The following ZNF701 variants were observed in gnomAD, a reference collection of about 807,000 sequenced individuals.
The protein encoded by ZNF701 is zinc finger protein 701.
Under a neutral mutation model 7.1 loss-of-function variants are expected in ZNF701, and 6 were observed. The ratio of observed to expected loss-of-function variants is 0.84; its 90% confidence interval spans 0.46 to 1.66. The LOEUF (loss-of-function observed/expected upper bound fraction) is 1.66, where lower values mean the gene tolerates loss of function less well. Ranked by LOEUF, ZNF701 falls within the 40% of genes most tolerant of loss-of-function variation. The pLI is 0.01. For missense variants in ZNF701, 541 were observed against 559.2 expected, an observed-to-expected ratio of 0.97 and a Z score of 0.33; for synonymous variants, 166 against 188.2, an observed-to-expected ratio of 0.88 and a Z score of 0.97.
chr19:52,593,989 C>T, the ZNF701 span: 26 of 127,844 alleles, frequency 2.0e-4, 5 homozygotes, highest in South Asian at 1.3e-3. Context: ...GAGGTTGTAG[C>T]GAGCCGAGAT....
rs906443836 is a variant in ZNF701, at chr19:52,584,129, G to A, written c.*672G>A. ...CATACTGGACAGAAATCTTACAAAC[G>A]TCCTATGTGTGGCAAGGTCTTCAGT... On this transcript the variant is annotated 3_prime_UTR_variant, in exon 4 of 4. Coordinates refer to ENST00000391785, the MANE Select transcript of ZNF701 (RefSeq NM_018260.3). 17 of 344,152 alleles carry A rather than the reference G, an allele frequency of 4.9e-5. No individual in the cohort carries two copies. The highest frequency in any genetic ancestry group is 3.0e-4 in the African/African-American group (14 of 46,546). The allele number at this position is 344,152 out of a possible 1,614,324, so 21.3% of individuals were successfully genotyped here. A position where few individuals can be genotyped will look rare whatever the true frequency, so the allele number is the denominator to read the frequency against.
intron 3 of ZNF701, among the ~76,000 whole-genome samples, chr19:52,581,800 T>G (rs1291690696): frequency 6.6e-6 from 1 of 152,216 alleles, no homozygotes; most frequent in Non-Finnish European, 1.5e-5. Flanking sequence ...AAATAGTACC[T>G]TGTCTGGTTT....
At chr19:52,594,914 G>C in the ZNF701 span, among the ~76,000 whole-genome samples, 1 of 152,312 alleles carries the variant, frequency 6.6e-6, no homozygotes. Context: ...AGCAGTCACT[G>C]CTGTAGAAAT....
At chr19:52,573,622 C>A (rs1015912527) in intron 1 of ZNF701, among the ~76,000 whole-genome samples, 1 of 152,188 alleles carries the variant, frequency 6.6e-6, no homozygotes, top group African/African-American at 2.4e-5. Context: ...GATCCTCCCC[C>A]TCAGCTTCCT....
At chr19:52,578,050 C>T (rs1380582055) in intron 3 of ZNF701, among the ~76,000 whole-genome samples, 5 of 151,718 alleles carry the variant, frequency 3.3e-5, no homozygotes, top group African/African-American at 4.8e-5. Context: ...GTCAGGAGAT[C>T]GAGACCATCC....
At chr19:52,589,276 T>G (rs552772949), downstream of ZNF701, among the ~76,000 whole-genome samples, 1 of 152,294 alleles carries the variant, frequency 6.6e-6, no homozygotes, top group South Asian at 2.1e-4. Context: ...TTTATTTATA[T>G]TTTCTATTCC....
chr19:52,573,370 G>A (rs2059912617), intron 1 of ZNF701, among the ~76,000 whole-genome samples: 1 of 152,150 alleles, frequency 6.6e-6, no homozygotes. Context: ...CTCCCGAGTA[G>A]CTGGGCTTAC....
At position 52,583,193 on chromosome 19, in the gene ZNF701, A is replaced by G; in HGVS notation, c.1134A>G (p.Gly378=). The G allele has an allele frequency of 6.2e-7, 1 of 1,613,038 alleles. No individual in the cohort carries two copies. Among genetic ancestry groups the G allele is most frequent in the Non-Finnish European group, 8.5e-7 (1 of 1,179,612 alleles). ...HLAQHTVIHT[G]EKPYKCNECG... ...CACAACATACTGTAATTCACACTGG[A>G]GAGAAACCTTACAAGTGTAATGAGT... The change falls in exon 4 of 4, where the codon GGA becomes GGG. Residue 378 remains glycine (G), a synonymous_variant. Transcript: ENST00000391785.
In ZNF701 at chr19:52,582,407, C is replaced by T. The variant is rs140636201; in HGVS notation, c.348C>T (p.Thr116=). ...GCCATGAAGCACTCATGACAAAAACCAAAAAGTTGATGAGTAGTACAGAGC... is the reference window on the plus strand; with the variant it reads ...GCCATGAAGCACTCATGACAAAAACTAAAAAGTTGATGAGTAGTACAGAGC... ...TNGHEALMTK[T]KKLMSSTERH... The change falls in exon 4 of 4, where the codon ACC becomes ACT. Residue 116 remains threonine, a synonymous_variant. Coordinates refer to ENST00000391785, the MANE Select transcript of ZNF701 (RefSeq NM_018260.3). The T allele has an allele frequency of 1.9e-3, 3,054 of 1,612,238 alleles. 16 individuals are homozygous for T. The highest frequency in any genetic ancestry group is 1.6e-3 in the Non-Finnish European group (1,939 of 1,179,164).
intron 1 of ZNF701, 94 bp from the exon 2 acceptor site, chr19:52,573,983 T>C (rs2059916552): frequency 2.3e-6 from 3 of 1,332,166 alleles, no homozygotes; most frequent in Non-Finnish European, 3.1e-6. Flanking sequence ...TGACCATATT[T>C]TTTCAGAGTG....
At chr19:52,595,463 G>A in the ZNF701 span, among the ~76,000 whole-genome samples, 1 of 151,900 alleles carries the variant, frequency 6.6e-6, no homozygotes, top group African/African-American at 2.4e-5. Context: ...GTACAGATAG[G>A]GTTTCACCAT....
the ZNF701 span, chr19:52,596,766 C>T: frequency 1.9e-6 from 1 of 527,816 alleles, no homozygotes; most frequent in Admixed American, 2.0e-5. Flanking sequence ...GCAATTCATA[C>T]TGGAAAGAAA....
Position 52,584,988 on chromosome 19 carries a change from C to T in ZNF701, c.*1531C>T, listed in dbSNP as rs1165032096. On this transcript the variant is annotated 3_prime_UTR_variant, in exon 4 of 4. Transcript: ENST00000391785. ...CCCGTTGAGTTTGCGCTTCCCAGTT[C>T]TCTGGTACTGCTATACCGGGGACGT... The T allele has an allele frequency of 6.6e-6, 1 of 152,350 alleles. No homozygotes were observed. Among genetic ancestry groups the T allele is most frequent in the African/African-American group, 2.4e-5 (1 of 41,464 alleles). The allele number at this position is 152,350 out of a possible 1,614,324, so 9.4% of individuals were successfully genotyped here. A position where few individuals can be genotyped will look rare whatever the true frequency, so the allele number is the denominator to read the frequency against.
chr19:52,574,016 T>C (rs2059916776), intron 1 of ZNF701, 61 bp from the exon 2 acceptor site: 2 of 1,540,496 alleles, frequency 1.3e-6, no homozygotes, highest in Admixed American at 3.5e-5. Flanking sequence ...TATGTGTCAT[T>C]GTGTTACAGG....
intron 3 of ZNF701, 105 bp downstream of exon 3, chr19:52,576,126 C>A (rs1000893955): frequency 6.3e-7 from 1 of 1,588,222 alleles, no homozygotes; most frequent in Admixed American, 1.9e-5. Context: ...AAAATGGAAG[C>A]CGTATTGAGT....
At position 52,582,907 on chromosome 19, in the gene ZNF701, C is replaced by G. The variant is rs2059985469; in HGVS notation, c.848C>G (p.Ser283Ter). Reference sequence around the variant, plus strand: ...TGTGGCAAGACATTCAGTCACAATTCAGCCCTGTTAGTTCACAAGGCAATT... The same window carrying G: ...TGTGGCAAGACATTCAGTCACAATTGAGCCCTGTTAGTTCACAAGGCAATT... ...NECGKTFSHN[S>*]ALLVHKAIHT... Residue 283 changes from serine to a stop codon, truncating the protein, a stop_gained, in exon 4 of 4, where the codon TCA (serine) becomes TGA (stop). Coordinates refer to ENST00000391785, the MANE Select transcript of ZNF701 (RefSeq NM_018260.3). LOFTEE classifies it low-confidence loss of function (END_TRUNC). 1.9e-6 allele frequency: 3 copies of G among 1,613,230 alleles called. No homozygotes were observed. The highest frequency in any genetic ancestry group is 2.5e-6 in the Non-Finnish European group (3 of 1,179,372).
At chr19:52,595,511 C>G in the ZNF701 span, 83 of 432,596 alleles carry the variant, frequency 1.9e-4, 1 homozygote, top group African/African-American at 1.5e-3. Context: ...ACCTTGTGAT[C>G]CACCTGCCTC....
In ZNF701 at chr19:52,574,094, T is replaced by TTGG. The variant is rs1336408222; in HGVS notation, c.-52_-50dup. 1 of 1,612,218 alleles carries TTGG rather than the reference T, an allele frequency of 6.2e-7. No individual in the cohort carries two copies. Among genetic ancestry groups the TTGG allele is most frequent in the Non-Finnish European group, 8.5e-7 (1 of 1,179,328 alleles). On this transcript the variant is annotated 5_prime_UTR_variant, in exon 2 of 4. Coordinates refer to ENST00000391785, the MANE Select transcript of ZNF701 (RefSeq NM_018260.3). ...ACATTCAGGATTGACTTCTAAAGAC[T>TTGG]TGGTACGTGAGGAAAAAACACGGAA...
chr19:52,592,029 CT>C, downstream of ZNF701: 1 of 644,326 alleles, frequency 1.6e-6, no homozygotes, highest in Non-Finnish European at 2.8e-6. Context: ...CTTATTTTCT[CT>C]TTTCTCATTT....
Sources: gnomAD v4.1 joint callset for allele counts (sites outside exome capture counted in the v4.1 genomes callset) on GRCh38, gnomAD v4.1.1 for gene constraint, MANE v1.5 for transcripts, NCBI Gene and HGNC (gene_info 2026-07-23, HGNC 2026-07-21) for gene names.